The following MPDZ variants were observed in gnomAD, a reference collection of about 807,000 sequenced individuals.
MPDZ encodes multiple PDZ domain protein.
Under a neutral mutation model 239.1 loss-of-function variants are expected in MPDZ, and 234 were observed. That is an observed-to-expected ratio of 0.98 (90% CI 0.88 to 1.09). The LOEUF (loss-of-function observed/expected upper bound fraction) is 1.09. Among genes scored for constraint, MPDZ ranks in the 50% least tolerant of loss-of-function variants. The probability of loss-of-function intolerance (pLI) is 0.00; values close to 1 mark genes in which losing one functional copy is unlikely to be tolerated. For synonymous variants in MPDZ, 1,048 were observed against 881.3 expected (o/e 1.19, Z -3.35); for missense variants, 3,175 against 2,510.0 (o/e 1.26, Z -5.66).
intron 3 of MPDZ, among the ~76,000 whole-genome samples, chr9:13,244,306 T>C (rs904787107): frequency 6.6e-6 from 1 of 152,128 alleles, no homozygotes; most frequent in Non-Finnish European, 1.5e-5. Flanking sequence ...TCCCCCACAA[T>C]AGCTGGATTT....
intron 26 of MPDZ, among the ~76,000 whole-genome samples, chr9:13,145,166 C>G (rs190898301): frequency 1.3e-5 from 2 of 151,948 alleles, no homozygotes; most frequent in African/African-American, 4.8e-5. Context: ...GTAGATTACT[C>G]TATTATTAGG....
At chr9:13,247,572 C>A in intron 3 of MPDZ, 63 bp downstream of exon 3, 2 of 1,531,818 alleles carry the variant, frequency 1.3e-6, no homozygotes, top group Non-Finnish European at 1.8e-6. Flanking sequence ...TTCAGAAAAA[C>A]ACAAGCCTTT....
chr9:13,192,999 A>G (rs573088608), intron 14 of MPDZ, among the ~76,000 whole-genome samples, 168 bp downstream of exon 14: 3 of 152,344 alleles, frequency 2.0e-5, no homozygotes, highest in South Asian at 2.1e-4. Context: ...ATGTACACAC[A>G]GATACACAGA....
rs555546648 is a variant in MPDZ, at chr9:13,106,168, T to G, written c.*797A>C. ...TCTGGAACCCTTCTATGTTCCTCTA[T>G]GGTTAGCAGCATAGTTGCTTTCTAG... On this transcript the variant is annotated 3_prime_UTR_variant, in exon 47 of 47. Transcript: ENST00000319217. 1.2e-4 allele frequency: 18 copies of G among 152,318 alleles called. No individual in the cohort carries two copies. In the South Asian group the frequency reaches 2.1e-3, roughly 18 times the overall value. The allele number at this position is 152,318 out of a possible 1,614,324, so 9.4% of individuals were successfully genotyped here.
intron 21 of MPDZ, among the ~76,000 whole-genome samples, chr9:13,171,498 T>A (rs1288288935): frequency 6.6e-6 from 1 of 152,158 alleles, no homozygotes; most frequent in South Asian, 2.1e-4. Context: ...CTGTATCTAA[T>A]CAGTGAAGGG....
intron 3 of MPDZ, among the ~76,000 whole-genome samples, chr9:13,236,197 A>ATGTG (rs377695828): frequency 0.048 from 3,651 of 76,594 alleles, 198 homozygotes; most frequent in African/African-American, 0.11. Flanking sequence ...TTCTGTATAT[A>ATGTG]TGTGTGTGTG....
intron 1 of MPDZ, 54 bp downstream of exon 1, chr9:13,279,346 G>T (rs1202694335): frequency 1.4e-5 from 2 of 139,052 alleles, no homozygotes; most frequent in Non-Finnish European, 3.2e-5. Flanking sequence ...CGGCGCGCGC[G>T]CAGGGCGCGG....
intron 17 of MPDZ, among the ~76,000 whole-genome samples, chr9:13,186,680 GA>G: frequency 6.6e-6 from 1 of 151,396 alleles, no homozygotes; most frequent in East Asian, 1.9e-4. Context: ...TTTTTTAAAT[GA>G]ATTTTTTTTT....
chr9:13,190,095 A>G lies in MPDZ; in HGVS notation c.2154+19T>C. 2 of 1,601,234 alleles carry G rather than the reference A, an allele frequency of 1.2e-6. No homozygotes were observed. On this transcript the variant is annotated intron_variant, in intron 16 of 46. Coordinates refer to ENST00000319217, the MANE Select transcript of MPDZ (RefSeq NM_001378778.1). The stretch of plus-strand genomic sequence containing the variant: ...CAACAATAGGCCTTTAAAAATTGTT[A>G]AAAGTAGTATATACTTACCTGATAA...
chr9:13,262,664 G>A (rs1269184009), intron 1 of MPDZ, among the ~76,000 whole-genome samples: 3 of 151,240 alleles, frequency 2.0e-5, no homozygotes, highest in Non-Finnish European at 4.4e-5. Flanking sequence ...GGTTAGGAAT[G>A]AGAAAAAAAG....
In MPDZ at chr9:13,233,134, A is replaced by G. The variant is rs190001595; in HGVS notation, c.184-8551T>C. ...TGGACTTATAATCGCTTTGGAAAAC[A>G]GTTTGGCAGAATCCACGAAAGCTGA... On this transcript the variant is annotated intron_variant, in intron 3 of 46. Coordinates refer to ENST00000319217, the MANE Select transcript of MPDZ (RefSeq NM_001378778.1). Among the ~76,000 whole-genome samples, 57 of 152,280 alleles carry G rather than the reference A, an allele frequency of 3.7e-4. No homozygotes were observed. The East Asian group carries it at 0.011, about 28-fold the overall frequency.
At chr9:13,125,052 T>C (rs1260998791) in intron 35 of MPDZ, among the ~76,000 whole-genome samples, 164 bp downstream of exon 35, 1 of 152,088 alleles carries the variant, frequency 6.6e-6, no homozygotes, top group Non-Finnish European at 1.5e-5. Flanking sequence ...CAGTACTCTT[T>C]TTCCAGAAGT....
rs1172565646 is a variant in MPDZ at position 13,121,827 on chromosome 9, A to G, written c.5143T>C (p.Tyr1715His). 4.3e-6 allele frequency: 7 copies of G among 1,613,812 alleles called. No individual in the cohort carries two copies. The South Asian group carries it at 7.7e-5, about 18-fold the overall frequency. Reference protein sequence around the residue: ...RLTLYRDEAPYKEEEVCDTLT... With the variant: ...RLTLYRDEAPHKEEEVCDTLT... The stretch of plus-strand genomic sequence containing the variant: ...GTGTCACACACTTCCTCCTCTTTGT[A>G]TGGGGCCTCATCTCTGTAGAGTGTC... The change falls in exon 38 of 47, where the codon TAC becomes CAC. Residue 1715 changes from tyrosine (Y) to histidine (H), a missense_variant. Transcript: ENST00000319217.
chr9:13,217,800 GGA>G (rs1299837342), intron 8 of MPDZ, among the ~76,000 whole-genome samples: 1 of 151,726 alleles, frequency 6.6e-6, no homozygotes, highest in Non-Finnish European at 1.5e-5. Context: ...GTGTAACTCA[GGA>G]TTAAGACTCT....
At chr9:13,136,668 G>A (rs375227071) in intron 30 of MPDZ, 44 bp downstream of exon 30, 5 of 1,225,946 alleles carry the variant, frequency 4.1e-6, no homozygotes, top group Non-Finnish European at 5.9e-6. Flanking sequence ...GAGAAGAAAT[G>A]CTAACAAAAA....
intron 19 of MPDZ, among the ~76,000 whole-genome samples, chr9:13,178,460 T>G (rs532825842): frequency 6.6e-6 from 1 of 152,270 alleles, no homozygotes; most frequent in Non-Finnish European, 1.5e-5. Flanking sequence ...TTTCTTCTGT[T>G]AACACTCTCT....
intron 4 of MPDZ, 136 bp from the exon 5 acceptor site, chr9:13,223,846 ACATAAT>A: frequency 1.2e-6 from 1 of 801,470 alleles, no homozygotes; most frequent in Non-Finnish European, 1.9e-6. Flanking sequence ...AGACTGGGCT[ACATAAT>A]GTGACCCCAT....
chr9:13,107,571 A>G (rs1401947723), intron 46 of MPDZ, among the ~76,000 whole-genome samples: 1 of 152,190 alleles, frequency 6.6e-6, no homozygotes, highest in Non-Finnish European at 1.5e-5. Context: ...CTGCAAAAGC[A>G]CAAAGCCACC....
intron 45 of MPDZ, among the ~76,000 whole-genome samples, chr9:13,109,732 C>G (rs975976584): frequency 6.6e-6 from 1 of 152,192 alleles, no homozygotes; most frequent in African/African-American, 2.4e-5. Context: ...GCACGCATAT[C>G]TATCTAGCTA....
Sources: gnomAD v4.1 joint callset for allele counts (sites outside exome capture counted in the v4.1 genomes callset) on GRCh38, gnomAD v4.1.1 for gene constraint, MANE v1.5 for transcripts, NCBI Gene and HGNC (gene_info 2026-07-23, HGNC 2026-07-21) for gene names.